Variants in FHIT observed in about 807,000 individuals in gnomAD.
The protein encoded by FHIT is bis(5'-adenosyl)-triphosphatase.
A neutral mutation model predicts 17.9 loss-of-function variants in FHIT; 19 were observed. The ratio of observed to expected loss-of-function variants is 1.06; its 90% CI spans 0.74 to 1.56. FHIT has a LOEUF of 1.56. Ranked by LOEUF, FHIT falls within the 40% of genes most tolerant of loss-of-function variation. The pLI, the probability that FHIT is intolerant of heterozygous loss-of-function variation, is 0.00. For missense variants in FHIT, 248 were observed against 189.2 expected (o/e 1.31, Z -1.82); for synonymous variants, 81 against 69.7 (o/e 1.16, Z -0.81).
At position 60,206,149 on chromosome 3, in the gene FHIT, A is replaced by AAAT. The variant is rs1041282613; in HGVS notation, c.104-192000_104-191998dup. 9.7e-3 allele frequency among the ~76,000 whole-genome samples: 910 copies of AAAT among 94,020 alleles called. 12 individuals carry two copies. The highest frequency in any genetic ancestry group is 0.029 in the African/African-American group (603 of 20,926). The allele number at this position is 94,020 out of a possible 152,430, so 61.7% of individuals were successfully genotyped here. A position where few individuals can be genotyped will look rare whatever the true frequency, so the allele number is the denominator to read the frequency against. On this transcript the variant is annotated intron_variant, in intron 5 of 9. Transcript: ENST00000492590. Reference sequence around the variant, plus strand: ...CTCCGTCTCAAAAAAAAAAAAAAATAAATAATAATAATAATAATAATAATT... The same window carrying AAAT: ...CTCCGTCTCAAAAAAAAAAAAAAATAAATAATAATAATAATAATAATAATAATT...
At chr3:60,417,390 G>T (rs1392164531) in intron 5 of FHIT, among the ~76,000 whole-genome samples, 1 of 152,106 alleles carries the variant, frequency 6.6e-6, no homozygotes, top group Non-Finnish European at 1.5e-5. Context: ...GTCACTTTTG[G>T]TTCATCATTC....
chr3:59,879,516 C>G (rs777102369), intron 8 of FHIT, among the ~76,000 whole-genome samples: 1 of 152,168 alleles, frequency 6.6e-6, no homozygotes, highest in Non-Finnish European at 1.5e-5. Flanking sequence ...CCCTAATCAA[C>G]TGCCATTTTC....
At chr3:60,935,680 G>A (rs570276449) in intron 3 of FHIT, among the ~76,000 whole-genome samples, 2 of 152,304 alleles carry the variant, frequency 1.3e-5, no homozygotes, top group Admixed American at 1.3e-4. Context: ...AAGAAACTGT[G>A]ACCCTATCAT....
chr3:60,314,591 C>T (rs572491534), intron 5 of FHIT, among the ~76,000 whole-genome samples: 1 of 152,266 alleles, frequency 6.6e-6, no homozygotes, highest in African/African-American at 2.4e-5. Context: ...ACAAAAGGCT[C>T]CCTACCCATA....
chr3:60,040,927 C>G (rs1701412036), intron 5 of FHIT, among the ~76,000 whole-genome samples: 1 of 152,062 alleles, frequency 6.6e-6, no homozygotes, highest in African/African-American at 2.4e-5. Context: ...CACCTGGGGC[C>G]TCAAGATTTA....
intron 4 of FHIT, chr3:60,765,697 G>A (rs1699826930): frequency 6.6e-6 from 1 of 152,270 alleles, no homozygotes; most frequent in Admixed American, 6.5e-5. Context: ...TTGTTTCTGG[G>A]TGTGTCTGTG....
intron 5 of FHIT, among the ~76,000 whole-genome samples, chr3:60,234,206 C>T (rs1704650240): frequency 6.6e-6 from 1 of 152,158 alleles, no homozygotes; most frequent in South Asian, 2.1e-4. Flanking sequence ...GTGTACATAG[C>T]ACAGGGACAA....
chr3:60,457,572 T>C (rs974478831), intron 5 of FHIT, among the ~76,000 whole-genome samples: 2 of 152,042 alleles, frequency 1.3e-5, no homozygotes, highest in African/African-American at 4.8e-5. Flanking sequence ...AAAGCCAAAA[T>C]TGACAAATGG....
chr3:60,342,134 G>GC (rs1419430228), intron 5 of FHIT, among the ~76,000 whole-genome samples: 1 of 152,182 alleles, frequency 6.6e-6, no homozygotes, highest in Non-Finnish European at 1.5e-5. Context: ...ACTTCCCCTG[G>GC]CTTCACCCTG....
intron 3 of FHIT, among the ~76,000 whole-genome samples, chr3:60,906,498 C>T (rs1050526335): frequency 3.3e-5 from 5 of 152,224 alleles, no homozygotes; most frequent in African/African-American, 1.2e-4. Context: ...GCGGCCAAAA[C>T]TTTCTTTCTA....
At chr3:59,752,683 G>A (rs555711148) in intron 8 of FHIT, among the ~76,000 whole-genome samples, 1 of 152,228 alleles carries the variant, frequency 6.6e-6, no homozygotes, top group South Asian at 2.1e-4. Flanking sequence ...CTGTTCTCAT[G>A]ATAGTGAGTT....
At chr3:61,047,859 A>T (rs2033869540) in intron 2 of FHIT, among the ~76,000 whole-genome samples, 1 of 138,086 alleles carries the variant, frequency 7.2e-6, no homozygotes, top group South Asian at 2.7e-4. Context: ...AAACATGAAA[A>T]AACAAGCAAT....
chr3:61,205,016 C>G (rs2039170752), intron 1 of FHIT, among the ~76,000 whole-genome samples: 1 of 143,172 alleles, frequency 7.0e-6, no homozygotes, highest in Non-Finnish European at 1.5e-5. Flanking sequence ...GTTCTCCTTC[C>G]TGTGTCCATG....
intron 3 of FHIT, among the ~76,000 whole-genome samples, chr3:60,854,399 C>T (rs1363260865): frequency 6.6e-6 from 1 of 152,144 alleles, no homozygotes; most frequent in East Asian, 1.9e-4. Flanking sequence ...TCTAGCTAAC[C>T]AACAGCCCAA....
chr3:60,395,418 T>C (rs1701398746), intron 5 of FHIT, among the ~76,000 whole-genome samples: 1 of 152,170 alleles, frequency 6.6e-6, no homozygotes, highest in East Asian at 1.9e-4. Flanking sequence ...TTAGGCGGTA[T>C]GAATTAAAAA....
chr3:60,513,865 C>A (rs551367088), intron 5 of FHIT, among the ~76,000 whole-genome samples: 44 of 152,278 alleles, frequency 2.9e-4, no homozygotes, highest in African/African-American at 9.9e-4. Context: ...CCCATAAGAA[C>A]CCCAAACCCC....
chr3:60,396,209 C>T (rs1576593018), intron 5 of FHIT, among the ~76,000 whole-genome samples: 1 of 152,126 alleles, frequency 6.6e-6, no homozygotes, highest in African/African-American at 2.4e-5. Context: ...TCCATTTACT[C>T]CCTCAAAAAA....
At chr3:60,341,649 A>G (rs1192808215) in intron 5 of FHIT, among the ~76,000 whole-genome samples, 1 of 152,064 alleles carries the variant, frequency 6.6e-6, no homozygotes, top group Non-Finnish European at 1.5e-5. Context: ...TATCTCTGAG[A>G]AGATGCCTCT....
intron 4 of FHIT, among the ~76,000 whole-genome samples, chr3:60,734,075 CTT>C (rs2042086576): frequency 6.6e-6 from 1 of 152,166 alleles, no homozygotes; most frequent in Admixed American, 6.5e-5. Context: ...ATCCTACAAA[CTT>C]TCAGCATTGG....
Sources: gnomAD v4.1 joint callset for allele counts (sites outside exome capture counted in the v4.1 genomes callset) on GRCh38, gnomAD v4.1.1 for gene constraint, MANE v1.5 for transcripts, NCBI Gene and HGNC (gene_info 2026-07-23, HGNC 2026-07-21) for gene names.